The following LINGO2 variants were observed in gnomAD, a reference collection of about 807,000 sequenced individuals.
The protein encoded by LINGO2 is leucine-rich repeat and immunoglobulin-like domain-containing nogo receptor-interacting protein 2.
LINGO2 carries 14 observed loss-of-function variants against 30.6 expected under a neutral mutation model. The ratio of observed to expected loss-of-function variants is 0.46; its 90% CI spans 0.30 to 0.72. LINGO2 has a LOEUF of 0.72. Ranked by LOEUF, LINGO2 falls within the 30% of genes least tolerant of loss-of-function variation. LINGO2 has a pLI of 0.07. For missense variants in LINGO2, 729 were observed against 751.7 expected, an observed-to-expected ratio of 0.97 and a Z score of 0.35; for synonymous variants, 317 against 288.5, an observed-to-expected ratio of 1.10 and a Z score of -1.00.
chr9:28,728,071 G>A, the LINGO2 span, among the ~76,000 whole-genome samples: 2 of 152,244 alleles, frequency 1.3e-5, no homozygotes, highest in East Asian at 3.9e-4. Context: ...GTGGTCAGAA[G>A]GACAGCATCT....
the LINGO2 span, among the ~76,000 whole-genome samples, chr9:29,191,122 A>G: frequency 6.6e-5 from 10 of 152,206 alleles, no homozygotes; most frequent in Non-Finnish European, 1.2e-4. Flanking sequence ...CAGATATTCA[A>G]ATGCCATTGG....
chr9:29,102,121 G>A, the LINGO2 span, among the ~76,000 whole-genome samples: 2 of 149,190 alleles, frequency 1.3e-5, no homozygotes, highest in Admixed American at 6.7e-5. Flanking sequence ...TCGCTCTGTC[G>A]CCCAGGTTGG....
At chr9:28,432,676 T>G (rs1415917242) in intron 2 of LINGO2, among the ~76,000 whole-genome samples, 2 of 152,162 alleles carry the variant, frequency 1.3e-5, no homozygotes, top group African/African-American at 4.8e-5. Flanking sequence ...GTCTCTATTT[T>G]CTTTGCATTT....
At chr9:28,648,801 T>C (rs1295633228) in intron 1 of LINGO2, among the ~76,000 whole-genome samples, 1 of 152,094 alleles carries the variant, frequency 6.6e-6, no homozygotes, top group African/African-American at 2.4e-5. Context: ...TGTATGTGTG[T>C]TTCTATGTTT....
intron 1 of LINGO2, among the ~76,000 whole-genome samples, chr9:28,644,700 T>C (rs1262445278): frequency 6.6e-6 from 1 of 152,036 alleles, no homozygotes; most frequent in African/African-American, 2.4e-5. Context: ...ATTGGACTGT[T>C]TGTAAAGCAA....
intron 4 of LINGO2, among the ~76,000 whole-genome samples, chr9:28,078,986 C>T (rs1472356404): frequency 2.0e-5 from 3 of 148,580 alleles, no homozygotes; most frequent in Non-Finnish European, 4.4e-5. Flanking sequence ...TTGATATATA[C>T]ATAACTGGTG....
the LINGO2 span, among the ~76,000 whole-genome samples, chr9:29,078,263 A>C: frequency 2.6e-5 from 4 of 151,954 alleles, no homozygotes; most frequent in Non-Finnish European, 4.4e-5. Flanking sequence ...TCATTTAGTT[A>C]GTGCTGAATG....
chr9:28,412,338 A>G (rs1822803887), intron 2 of LINGO2, among the ~76,000 whole-genome samples: 1 of 152,060 alleles, frequency 6.6e-6, no homozygotes, highest in South Asian at 2.1e-4. Flanking sequence ...GGCCATCTGT[A>G]TATGTTCTTT....
the LINGO2 span, among the ~76,000 whole-genome samples, chr9:29,103,105 C>T: frequency 0.047 from 7,078 of 151,992 alleles, 208 homozygotes; most frequent in Admixed American, 0.079. Context: ...ATAACTTCAA[C>T]TTTTTATAAC....
intron 4 of LINGO2, among the ~76,000 whole-genome samples, chr9:28,204,955 G>A (rs1820360599): frequency 6.6e-6 from 1 of 152,088 alleles, no homozygotes; most frequent in Non-Finnish European, 1.5e-5. Context: ...TGGCCCACTA[G>A]CCCAATTGGC....
chr9:28,897,189 C>T, the LINGO2 span, among the ~76,000 whole-genome samples: 1 of 152,098 alleles, frequency 6.6e-6, no homozygotes, highest in Middle Eastern at 3.2e-3. Context: ...GAGCTATCAG[C>T]GTCCAATGAA....
chr9:28,795,246 C>A, the LINGO2 span, among the ~76,000 whole-genome samples: 1 of 152,128 alleles, frequency 6.6e-6, no homozygotes, highest in African/African-American at 2.4e-5. Flanking sequence ...GTAGTCTTAG[C>A]AAATACCGTG....
At chr9:28,629,895 T>C (rs1826853868) in intron 1 of LINGO2, among the ~76,000 whole-genome samples, 1 of 152,036 alleles carries the variant, frequency 6.6e-6, no homozygotes, top group Non-Finnish European at 1.5e-5. Context: ...TAGCATTAGG[T>C]ATATCTCCCG....
At chr9:28,402,873 A>G (rs567025049) in intron 2 of LINGO2, among the ~76,000 whole-genome samples, 2 of 152,194 alleles carry the variant, frequency 1.3e-5, no homozygotes, top group South Asian at 2.1e-4. Flanking sequence ...TAGCCTTTTC[A>G]TTGAAAAGAA....
the LINGO2 span, among the ~76,000 whole-genome samples, chr9:28,924,316 G>A: frequency 6.6e-6 from 1 of 152,060 alleles, no homozygotes; most frequent in South Asian, 2.1e-4. Flanking sequence ...TCACTCCCAG[G>A]TTCAAGTGAC....
the LINGO2 span, among the ~76,000 whole-genome samples, chr9:29,039,867 A>G: frequency 1.3e-5 from 2 of 152,290 alleles, no homozygotes; most frequent in Non-Finnish European, 2.9e-5. Flanking sequence ...GGCACTGGTG[A>G]AAATGCATAG....
chr9:27,950,302 C>T lies in LINGO2; in HGVS notation c.370G>A (p.Val124Ile). 3.1e-6 allele frequency: 5 copies of T among 1,614,156 alleles called. No homozygotes were observed. Among genetic ancestry groups the T allele is most frequent in the Non-Finnish European group, 4.2e-6 (5 of 1,180,000 alleles). ...GTGAGATTGGACAGCCCCGTGAATA[C>T]TCCCAAAGGGACCAGCTTTAGACGA... is the stretch of plus-strand genomic sequence containing the variant. Residue 124 changes from valine (V) to isoleucine (I), a missense_variant, in exon 6 of 6, where the codon GTA becomes ATA. By Grantham distance (29) the Val-to-Ile change is conservative. Transcript: ENST00000379992.
intron 3 of LINGO2, among the ~76,000 whole-genome samples, chr9:28,371,305 C>A (rs952882057): frequency 6.6e-6 from 1 of 152,164 alleles, no homozygotes; most frequent in Admixed American, 6.6e-5. Flanking sequence ...GCTGCTTTAA[C>A]AAAATACCAT....
At chr9:28,955,702 C>T in the LINGO2 span, among the ~76,000 whole-genome samples, 2 of 152,122 alleles carry the variant, frequency 1.3e-5, no homozygotes, top group Non-Finnish European at 2.9e-5. Flanking sequence ...GAGAACTAAA[C>T]ATATAATTTT....
Sources: gnomAD v4.1 joint callset for allele counts (sites outside exome capture counted in the v4.1 genomes callset) on GRCh38, gnomAD v4.1.1 for gene constraint, MANE v1.5 for transcripts, NCBI Gene and HGNC (gene_info 2026-07-23, HGNC 2026-07-21) for gene names.